SLC38A9: variants seen among roughly 807,000 people sequenced by gnomAD.
The protein encoded by SLC38A9 is solute carrier family 38 member 9.
SLC38A9 carries 48 observed loss-of-function variants against 62.3 expected under a neutral mutation model. That is an observed-to-expected ratio of 0.77 (90% CI 0.61 to 0.98). The LOEUF (loss-of-function observed/expected upper bound fraction) is 0.98, where lower values mean the gene tolerates loss of function less well. Among genes scored for constraint, SLC38A9 ranks in the 50% least tolerant of loss-of-function variants. SLC38A9 has a pLI of 0.00. For missense variants in SLC38A9, 541 were observed against 679.8 expected, an observed-to-expected ratio of 0.80 and a Z score of 2.27; for synonymous variants, 204 against 227.7, an observed-to-expected ratio of 0.90 and a Z score of 0.94.
intron 2 of SLC38A9, among the ~76,000 whole-genome samples, chr5:55,708,593 T>C (rs539794670): frequency 1.3e-5 from 2 of 152,308 alleles, no homozygotes; most frequent in South Asian, 4.1e-4. Context: ...CCCAAATAAA[T>C]GTGACTATGG....
chr5:55,626,318 T>C lies in SLC38A9; in HGVS notation c.*176A>G. The C allele has an allele frequency of 1.8e-6, 1 of 557,996 alleles. No individual in the cohort carries two copies. The highest frequency in any genetic ancestry group is 3.1e-6 in the Non-Finnish European group (1 of 321,664). The allele number at this position is 557,996 out of a possible 1,614,324, so 34.6% of individuals were successfully genotyped here. A position where few individuals can be genotyped will look rare whatever the true frequency, so the allele number is the denominator to read the frequency against. On this transcript the variant is annotated 3_prime_UTR_variant, in exon 16 of 16. Transcript: ENST00000396865. ...ACACTAAGATCATTCTTTTTGCCCC[T>C]TTCCCCACCCCAATAAAAAAATACT... is the stretch of plus-strand genomic sequence containing the variant.
intron 3 of SLC38A9, chr5:55,673,484 A>G (rs1265477037): frequency 1.3e-5 from 2 of 152,306 alleles, no homozygotes; most frequent in East Asian, 3.9e-4. Flanking sequence ...GAGTTTTATC[A>G]AAAGACTGTA....
intron 7 of SLC38A9, among the ~76,000 whole-genome samples, chr5:55,665,919 C>T (rs1429848178): frequency 3.3e-5 from 5 of 152,086 alleles, no homozygotes; most frequent in Non-Finnish European, 7.3e-5. Flanking sequence ...ACCATGATCC[C>T]ACCACTGCAC....
Position 55,682,403 on chromosome 5 carries a change from T to G in SLC38A9, c.114-9708A>C, listed in dbSNP as rs140389597. Among the ~76,000 whole-genome samples the G allele has an allele frequency of 2.8e-4, 43 of 152,308 alleles. No individual in the cohort carries two copies. In the South Asian group the frequency reaches 4.2e-3, roughly 15 times the overall value. ...GCTGGTACAACCAGAACCTATAGCATAGTCACTCACAGGAGTATGCCACAG... is the reference window on the plus strand; with the variant it reads ...GCTGGTACAACCAGAACCTATAGCAGAGTCACTCACAGGAGTATGCCACAG... On this transcript the variant is annotated intron_variant, in intron 3 of 15. Transcript: ENST00000396865.
intron 8 of SLC38A9, among the ~76,000 whole-genome samples, chr5:55,657,084 A>G (rs765172023): frequency 1.7e-4 from 26 of 152,250 alleles, no homozygotes; most frequent in Non-Finnish European, 3.5e-4. Context: ...GATGGTCTCG[A>G]TCTCCTGACT....
intron 3 of SLC38A9, among the ~76,000 whole-genome samples, chr5:55,674,737 T>C (rs562916306): frequency 3.3e-5 from 5 of 152,318 alleles, no homozygotes; most frequent in Non-Finnish European, 7.4e-5. Flanking sequence ...TGTCAATATA[T>C]TTCAAAGGGA....
intron 12 of SLC38A9, among the ~76,000 whole-genome samples, chr5:55,640,131 GC>G (rs1745208059): frequency 6.6e-6 from 1 of 151,830 alleles, no homozygotes; most frequent in South Asian, 2.1e-4. Context: ...GATTGGAGGG[GC>G]CCACCACCAT....
chr5:55,678,645 CTTTTTTTTT>C lies in SLC38A9; in HGVS notation c.114-5959_114-5951del, dbSNP rs869297949. Among the ~76,000 whole-genome samples, 19 of 45,834 alleles carry C rather than the reference CTTTTTTTTT, an allele frequency of 4.1e-4. No individual in the cohort carries two copies. In the East Asian group the frequency reaches 9.9e-3, roughly 24 times the overall value. The allele number at this position is 45,834 out of a possible 152,430, so 30.1% of individuals were successfully genotyped here. On this transcript the variant is annotated intron_variant, in intron 3 of 15. Coordinates refer to ENST00000396865, the MANE Select transcript of SLC38A9 (RefSeq NM_173514.4). ...AATTGTTGGATAAGACTGAAATGAACTTTTTTTTTTTTTTTTTTTTTTTTTTTTTGAGAC... is the reference window on the plus strand; with the variant it reads ...AATTGTTGGATAAGACTGAAATGAACTTTTTTTTTTTTTTTTTTTTGAGAC...
At chr5:55,646,481 A>G (rs369676715) in intron 11 of SLC38A9, among the ~76,000 whole-genome samples, 1 of 152,210 alleles carries the variant, frequency 6.6e-6, no homozygotes, top group African/African-American at 2.4e-5. Flanking sequence ...GTCTGACTTT[A>G]AAGTCCTTCA....
intron 9 of SLC38A9, among the ~76,000 whole-genome samples, chr5:55,653,604 T>C (rs756332904): frequency 4.6e-5 from 7 of 151,732 alleles, no homozygotes; most frequent in African/African-American, 7.3e-5. Context: ...TCATATTTGA[T>C]AGAAGCCTAA....
intron 10 of SLC38A9, 139 bp downstream of exon 10, chr5:55,652,390 G>GA: frequency 6.8e-6 from 2 of 291,976 alleles, no homozygotes; most frequent in Non-Finnish European, 6.1e-6. Flanking sequence ...AAGAAAGAAA[G>GA]AACAAAACAA....
At chr5:55,633,928 A>G (rs777310217) in intron 13 of SLC38A9, 26 bp from the exon 14 acceptor site, 3 of 1,554,064 alleles carry the variant, frequency 1.9e-6, no homozygotes, top group South Asian at 2.3e-5. Context: ...TAATGAGGTC[A>G]TGTTAAAAAT....
chr5:55,626,488 G>C lies in SLC38A9; in HGVS notation c.*6C>G. The C allele has an allele frequency of 1.2e-6, 2 of 1,606,556 alleles. No individual in the cohort carries two copies. The highest frequency in any genetic ancestry group is 1.7e-6 in the Non-Finnish European group (2 of 1,176,220). On this transcript the variant is annotated 3_prime_UTR_variant, in exon 16 of 16. Coordinates refer to ENST00000396865, the MANE Select transcript of SLC38A9 (RefSeq NM_173514.4). ...GAGAGCTCTTGAAAAAAACAGTTGA[G>C]GTATTTCACATAAAAAACTGAACAA... is the stretch of plus-strand genomic sequence containing the variant.
intron 10 of SLC38A9, among the ~76,000 whole-genome samples, chr5:55,651,603 G>A (rs373085529): frequency 2.0e-5 from 3 of 152,168 alleles, no homozygotes; most frequent in East Asian, 3.9e-4. Flanking sequence ...CTGAAAAGCA[G>A]GGCTCACAGA....
In SLC38A9 at chr5:55,697,670, A is replaced by T. The variant is rs2897880; in HGVS notation, c.113+176T>A. On this transcript the variant is annotated intron_variant, in intron 3 of 15. Coordinates refer to ENST00000396865, the MANE Select transcript of SLC38A9 (RefSeq NM_173514.4). Reference sequence around the variant, plus strand: ...GAGTTTAGTGAAAAAAAAAAAAAAAAAAAAATATAAACCAGTAAATAGTAT... The same window carrying T: ...GAGTTTAGTGAAAAAAAAAAAAAAATAAAAATATAAACCAGTAAATAGTAT... Among the ~76,000 whole-genome samples, 194 of 124,042 alleles carry T rather than the reference A, an allele frequency of 1.6e-3. No individual in the cohort carries two copies. In the Middle Eastern group the frequency reaches 0.016, roughly 10 times the overall value. 81.4% of individuals were successfully genotyped at this position (124,042 alleles called of 152,430 possible).
chr5:55,684,795 A>G (rs1753524921), intron 3 of SLC38A9, among the ~76,000 whole-genome samples: 1 of 152,152 alleles, frequency 6.6e-6, no homozygotes. Flanking sequence ...CTGGGATTAC[A>G]GGCGCCTGCC....
intron 3 of SLC38A9, among the ~76,000 whole-genome samples, chr5:55,688,200 C>T (rs1474411809): frequency 6.6e-6 from 1 of 152,094 alleles, no homozygotes; most frequent in Non-Finnish European, 1.5e-5. Flanking sequence ...ACGTCATCTG[C>T]AAACAGGGAT....
intron 14 of SLC38A9, among the ~76,000 whole-genome samples, chr5:55,631,341 TG>T (rs1396545854): frequency 1.3e-5 from 2 of 152,040 alleles, no homozygotes; most frequent in African/African-American, 4.8e-5. Context: ...GTGTTCTTGG[TG>T]GTAGGGGAAG....
intron 7 of SLC38A9, among the ~76,000 whole-genome samples, chr5:55,665,648 C>G (rs934827606): frequency 6.6e-6 from 1 of 151,370 alleles, no homozygotes; most frequent in Non-Finnish European, 1.5e-5. Flanking sequence ...TTCTAGCAAC[C>G]GAAGAAACAA....
Sources: allele counts gnomAD v4.1 joint callset (sites outside exome capture counted in the v4.1 genomes callset), GRCh38; gene constraint gnomAD v4.1.1; transcripts MANE v1.5; gene names NCBI Gene and HGNC (gene_info 2026-07-23, HGNC 2026-07-21).